The following ANKRD30BL variants were observed in gnomAD, a reference collection of about 807,000 sequenced individuals.
ANKRD30BL encodes putative ankyrin repeat domain-containing protein 30B-like.
Under a neutral mutation model 18.4 loss-of-function variants are expected in ANKRD30BL, and 20 were observed. The ratio of observed to expected loss-of-function variants is 1.09; its 90% CI spans 0.77 to 1.58. ANKRD30BL has a LOEUF of 1.58. ANKRD30BL is among the 40% of genes most tolerant of loss of function. The pLI, the probability that ANKRD30BL is intolerant of heterozygous loss-of-function variation, is 0.00. For synonymous variants in ANKRD30BL, 72 were observed against 100.9 expected (o/e 0.71, Z 1.72); for missense variants, 224 against 268.6 (o/e 0.83, Z 1.16).
chr2:132,255,632 C>G (rs1680809676), intron 1 of ANKRD30BL, among the ~76,000 whole-genome samples: 2 of 152,150 alleles, frequency 1.3e-5, no homozygotes, highest in Non-Finnish European at 2.9e-5. Flanking sequence ...AAAGTGCACT[C>G]ATTCCAATTA....
chr2:132,207,902 T>C (rs1007054618), intron 1 of ANKRD30BL, among the ~76,000 whole-genome samples: 19 of 152,328 alleles, frequency 1.2e-4, no homozygotes, highest in African/African-American at 4.6e-4. Context: ...GATACTATAA[T>C]GCTCAGATCA....
intron 1 of ANKRD30BL, among the ~76,000 whole-genome samples, chr2:132,201,825 A>G (rs1679105056): frequency 6.6e-6 from 1 of 152,246 alleles, no homozygotes; most frequent in South Asian, 2.1e-4. Context: ...TCATGCAGCT[A>G]CAAAGACACA....
At chr2:132,252,933 C>G (rs2104810844) in intron 1 of ANKRD30BL, among the ~76,000 whole-genome samples, 1 of 152,218 alleles carries the variant, frequency 6.6e-6, no homozygotes, top group African/African-American at 2.4e-5. Context: ...GTGCTGCCCT[C>G]TCTCTCTTCC....
At chr2:132,224,403 A>G (rs544611313) in intron 1 of ANKRD30BL, among the ~76,000 whole-genome samples, 1 of 151,952 alleles carries the variant, frequency 6.6e-6, no homozygotes, top group Admixed American at 6.6e-5. Flanking sequence ...AGCCTTTTGA[A>G]ACACTCTTTG....
chr2:132,221,397 C>T lies in ANKRD30BL; in HGVS notation n.441+36132G>A, dbSNP rs1410623500. ...GGGGTCAGCCCCCTGCCCGGCCAGCCGCCCCGTCCGGGAGGGAGGTGGGGG... is the reference window on the plus strand; with the variant it reads ...GGGGTCAGCCCCCTGCCCGGCCAGCTGCCCCGTCCGGGAGGGAGGTGGGGG... On this transcript the variant is annotated intron_variant and non_coding_transcript_variant, in intron 1 of 4. Transcript: ENST00000470729. Among the ~76,000 whole-genome samples, 267 of 137,168 alleles carry T rather than the reference C, an allele frequency of 1.9e-3. 1 individual carries two copies. Among genetic ancestry groups the T allele is most frequent in the African/African-American group, 7.6e-3 (245 of 32,266 alleles). 90.0% of individuals were successfully genotyped at this position (137,168 alleles called of 152,430 possible). A position where few individuals can be genotyped will look rare whatever the true frequency, so the allele number is the denominator to read the frequency against.
At chr2:132,247,886 A>C (rs1465955643) in intron 1 of ANKRD30BL, among the ~76,000 whole-genome samples, 1 of 152,150 alleles carries the variant, frequency 6.6e-6, no homozygotes, top group Non-Finnish European at 1.5e-5. Flanking sequence ...ACATGTCAGA[A>C]AGAAGTTTCT....
intron 1 of ANKRD30BL, among the ~76,000 whole-genome samples, chr2:132,248,790 C>T (rs548999778): frequency 6.6e-6 from 1 of 152,064 alleles, no homozygotes; most frequent in East Asian, 1.9e-4. Flanking sequence ...AAGATATTTC[C>T]TTTTTCACCA....
rs545105306 is a variant in ANKRD30BL, at chr2:132,253,827, C to A, written n.441+3702G>T. 3.1e-3 allele frequency among the ~76,000 whole-genome samples: 475 copies of A among 152,204 alleles called. 1 individual carries two copies. Among genetic ancestry groups the A allele is most frequent in the Admixed American group, 8.6e-3 (132 of 15,308 alleles). On this transcript the variant is annotated intron_variant and non_coding_transcript_variant, in intron 1 of 4. Coordinates refer to the ANKRD30BL transcript ENST00000470729. The stretch of plus-strand genomic sequence containing the variant: ...TGAGGGGGGTGGGACCGGCATCCGG[C>A]CCCCTACCCTCGAGACCCCCTAGCG...
At chr2:132,256,599 G>A (rs1475923856) in intron 1 of ANKRD30BL, among the ~76,000 whole-genome samples, 1 of 152,204 alleles carries the variant, frequency 6.6e-6, no homozygotes, top group Non-Finnish European at 1.5e-5. Flanking sequence ...GCGGCCGACT[G>A]GCCTTCGGCG....
intron 1 of ANKRD30BL, among the ~76,000 whole-genome samples, chr2:132,248,353 A>G (rs1680557087): frequency 6.6e-6 from 1 of 152,070 alleles, no homozygotes; most frequent in African/African-American, 2.4e-5. Flanking sequence ...TAAACTGCTC[A>G]ATCGAAAGAA....
At chr2:132,203,859 A>G (rs1244816422) in intron 1 of ANKRD30BL, among the ~76,000 whole-genome samples, 1 of 152,192 alleles carries the variant, frequency 6.6e-6, no homozygotes, top group African/African-American at 2.4e-5. Context: ...TCAAAAAATG[A>G]TGAGCATTTT....
At chr2:132,178,632 T>G (rs1688404034) in intron 1 of ANKRD30BL, among the ~76,000 whole-genome samples, 1 of 152,108 alleles carries the variant, frequency 6.6e-6, no homozygotes, top group African/African-American at 2.4e-5. Flanking sequence ...TTTTATGTTT[T>G]TTTTTTGAGC....
chr2:132,203,107 A>G (rs1679140984), intron 1 of ANKRD30BL, among the ~76,000 whole-genome samples: 3 of 152,376 alleles, frequency 2.0e-5, no homozygotes, highest in South Asian at 2.1e-4. Context: ...CAAACCACCC[A>G]CCCCTGCTGA....
intron 1 of ANKRD30BL, among the ~76,000 whole-genome samples, chr2:132,168,946 T>A (rs1253426077): frequency 6.6e-6 from 1 of 151,408 alleles, no homozygotes; most frequent in Admixed American, 6.6e-5. Flanking sequence ...AAGGGATACA[T>A]TTTCTAACAA....
At chr2:132,252,524 G>A (rs1412402051) in intron 1 of ANKRD30BL, among the ~76,000 whole-genome samples, 9 of 149,580 alleles carry the variant, frequency 6.0e-5, no homozygotes, top group South Asian at 2.2e-4. Flanking sequence ...ACACCGTGAC[G>A]TGCCGGGCGG....
chr2:132,183,338 G>T (rs1012737574), intron 1 of ANKRD30BL, among the ~76,000 whole-genome samples: 6 of 152,088 alleles, frequency 3.9e-5, no homozygotes, highest in African/African-American at 1.4e-4. Flanking sequence ...CACCATGTTG[G>T]TCAGGAGGTT....
At chr2:132,177,559 G>T (rs150654064) in intron 1 of ANKRD30BL, among the ~76,000 whole-genome samples, 306 of 152,296 alleles carry the variant, frequency 2.0e-3, no homozygotes, top group Middle Eastern at 3.4e-3. Flanking sequence ...TTCAGAGCAA[G>T]CTTTGATCTT....
chr2:132,220,019 G>A (rs573415902), intron 1 of ANKRD30BL, among the ~76,000 whole-genome samples: 2 of 152,114 alleles, frequency 1.3e-5, no homozygotes, highest in African/African-American at 4.8e-5. Flanking sequence ...CTAGACAGAA[G>A]CATTCTCAGA....
chr2:132,201,062 T>G (rs961848961), intron 1 of ANKRD30BL, among the ~76,000 whole-genome samples: 2 of 152,104 alleles, frequency 1.3e-5, no homozygotes, highest in African/African-American at 4.8e-5. Context: ...CCCTATTTAA[T>G]AAATGGTTCT....
Sources: gnomAD v4.1 joint callset for allele counts (sites outside exome capture counted in the v4.1 genomes callset) on GRCh38, gnomAD v4.1.1 for gene constraint, MANE v1.5 for transcripts, NCBI Gene and HGNC (gene_info 2026-07-23, HGNC 2026-07-21) for gene names.